Variants in NTM observed in about 807,000 individuals in gnomAD.
NTM encodes the protein IgLON family member 2.
NTM carries 13 observed loss-of-function variants against 42.1 expected under a neutral mutation model. The ratio of observed to expected loss-of-function variants is 0.31; its 90% confidence interval spans 0.20 to 0.49. NTM has a LOEUF of 0.49. Ranked by LOEUF, NTM falls within the 20% of genes least tolerant of loss-of-function variation. The pLI, the probability that NTM is intolerant of heterozygous loss-of-function variation, is 0.99. For missense variants in NTM, 373 were observed against 452.8 expected, an observed-to-expected ratio of 0.82 and a Z score of 1.60; for synonymous variants, 187 against 179.2, an observed-to-expected ratio of 1.04 and a Z score of -0.35.
intron 2 of NTM, among the ~76,000 whole-genome samples, chr11:131,968,166 C>T (rs1785004827): frequency 1.3e-5 from 2 of 152,154 alleles, no homozygotes; most frequent in African/African-American, 4.8e-5. Context: ...ATAAGGATCT[C>T]CTCCCCTACA....
intron 1 of NTM, among the ~76,000 whole-genome samples, chr11:131,395,588 A>G (rs1591550242): frequency 6.6e-6 from 1 of 152,338 alleles, no homozygotes; most frequent in East Asian, 1.9e-4. Context: ...CCATTTAATG[A>G]CACTAACAGG....
chr11:131,927,894 T>C (rs2058135606), intron 2 of NTM, among the ~76,000 whole-genome samples: 1 of 151,976 alleles, frequency 6.6e-6, no homozygotes, highest in South Asian at 2.1e-4. Context: ...CCTAAACATA[T>C]ATACTCAACT....
chr11:131,874,222 A>T (rs909634747), intron 1 of NTM, among the ~76,000 whole-genome samples: 1 of 151,184 alleles, frequency 6.6e-6, no homozygotes, highest in Non-Finnish European at 1.5e-5. Flanking sequence ...TCTCCTGCAC[A>T]CAAATGGGAT....
intron 1 of NTM, among the ~76,000 whole-genome samples, chr11:131,776,652 T>A (rs2087037107): frequency 6.6e-6 from 1 of 152,202 alleles, no homozygotes; most frequent in Non-Finnish European, 1.5e-5. Context: ...CGTTAGCTGC[T>A]GCAACAAACA....
chr11:131,548,404 A>G (rs1055809445), intron 1 of NTM, among the ~76,000 whole-genome samples: 2 of 152,214 alleles, frequency 1.3e-5, no homozygotes, highest in African/African-American at 2.4e-5. Context: ...TAAAAAGCCT[A>G]TCTCCCTAGA....
intron 1 of NTM, among the ~76,000 whole-genome samples, chr11:131,768,484 G>C (rs1253399085): frequency 2.6e-5 from 4 of 152,190 alleles, no homozygotes. Context: ...CGGAAAAACA[G>C]CTTAGCCAGC....
At chr11:131,648,357 T>C (rs1008109843) in intron 1 of NTM, among the ~76,000 whole-genome samples, 5 of 152,204 alleles carry the variant, frequency 3.3e-5, no homozygotes, top group African/African-American at 1.2e-4. Flanking sequence ...GGTATGTATA[T>C]ATACCCAACA....
At chr11:132,130,993 G>C (rs1031164751) in intron 2 of NTM, among the ~76,000 whole-genome samples, 1 of 152,214 alleles carries the variant, frequency 6.6e-6, no homozygotes, top group Non-Finnish European at 1.5e-5. Flanking sequence ...GATGCTGTGA[G>C]ATATGAATTA....
chr11:131,700,292 C>T (rs974706451), intron 1 of NTM, among the ~76,000 whole-genome samples: 4 of 152,138 alleles, frequency 2.6e-5, no homozygotes, highest in Non-Finnish European at 4.4e-5. Flanking sequence ...TTTCTAATTA[C>T]CTGCCTTTAT....
chr11:131,875,111 C>G (rs2137152249), intron 1 of NTM, among the ~76,000 whole-genome samples: 1 of 152,310 alleles, frequency 6.6e-6, no homozygotes, highest in South Asian at 2.1e-4. Context: ...GCTACTTAAA[C>G]CCCATGAGCC....
At chr11:131,660,000 A>C (rs2067757274) in intron 1 of NTM, among the ~76,000 whole-genome samples, 1 of 152,246 alleles carries the variant, frequency 6.6e-6, no homozygotes, top group Admixed American at 6.5e-5. Context: ...GATCCGCTAC[A>C]TAGCGTGGTG....
intron 4 of NTM, among the ~76,000 whole-genome samples, chr11:132,226,845 C>G (rs2086403113): frequency 6.6e-6 from 1 of 152,176 alleles, no homozygotes; most frequent in Non-Finnish European, 1.5e-5. Context: ...TGAGAAAGAG[C>G]TCAGTATTAA....
At chr11:132,042,452 G>T (rs2077332670) in intron 2 of NTM, among the ~76,000 whole-genome samples, 1 of 152,196 alleles carries the variant, frequency 6.6e-6, no homozygotes. Context: ...GCTGATGTGA[G>T]CCCAACCTTT....
At chr11:131,398,858 A>C (rs1565462419) in intron 1 of NTM, among the ~76,000 whole-genome samples, 1 of 152,234 alleles carries the variant, frequency 6.6e-6, no homozygotes, top group Non-Finnish European at 1.5e-5. Context: ...CATTACTTCT[A>C]TTATATAATA....
intron 1 of NTM, among the ~76,000 whole-genome samples, chr11:131,869,250 A>G (rs598125): frequency 0.74 from 112,761 of 152,140 alleles, 42,249 homozygotes; most frequent in East Asian, 0.97. Context: ...TGGAAGAGGG[A>G]ACAGGCGCAA....
At chr11:131,948,925 G>C (rs1244049734) in intron 2 of NTM, among the ~76,000 whole-genome samples, 1 of 152,158 alleles carries the variant, frequency 6.6e-6, no homozygotes, top group Non-Finnish European at 1.5e-5. Context: ...TTGTGTAGCT[G>C]CTCTGTAGAG....
intron 1 of NTM, among the ~76,000 whole-genome samples, chr11:131,909,353 T>G (rs955288747): frequency 6.6e-6 from 1 of 152,150 alleles, no homozygotes; most frequent in Non-Finnish European, 1.5e-5. Context: ...CCAGAATGAG[T>G]ATTGTACCGA....
chr11:131,941,176 G>A (rs1343372010), intron 2 of NTM, among the ~76,000 whole-genome samples: 4 of 152,138 alleles, frequency 2.6e-5, no homozygotes, highest in Non-Finnish European at 5.9e-5. Context: ...CTGATTCAAT[G>A]CCACTTATTA....
intron 2 of NTM, among the ~76,000 whole-genome samples, chr11:132,129,565 T>G (rs569262417): frequency 1.3e-5 from 2 of 152,338 alleles, no homozygotes; most frequent in South Asian, 4.1e-4. Context: ...CAGGTGGGTT[T>G]TTCATGCCTA....
Sources: gnomAD v4.1 joint callset for allele counts (sites outside exome capture counted in the v4.1 genomes callset) on GRCh38, gnomAD v4.1.1 for gene constraint, MANE v1.5 for transcripts, NCBI Gene and HGNC (gene_info 2026-07-23, HGNC 2026-07-21) for gene names.